ZBTB20: variants seen among roughly 807,000 people sequenced by gnomAD.
ZBTB20 encodes zinc finger and BTB domain containing 20, also known as zinc finger and BTB domain-containing protein 20.
Under a neutral mutation model 56.9 loss-of-function variants are expected in ZBTB20, and 9 were observed. That is an observed-to-expected ratio of 0.16 (90% CI 0.10 to 0.28). ZBTB20 has a LOEUF of 0.28. ZBTB20 is among the 10% of genes least tolerant of loss of function. The pLI is 1.00. For missense variants in ZBTB20, 655 were observed against 1,003.0 expected, an observed-to-expected ratio of 0.65 and a Z score of 4.69; for synonymous variants, 417 against 420.7, an observed-to-expected ratio of 0.99 and a Z score of 0.11.
chr3:115,058,637 G>A (rs1433773649), intron 2 of ZBTB20, among the ~76,000 whole-genome samples: 1 of 152,126 alleles, frequency 6.6e-6, no homozygotes, highest in Non-Finnish European at 1.5e-5. Flanking sequence ...GTTGAGGCAG[G>A]AGAATCACTT....
intron 6 of ZBTB20, among the ~76,000 whole-genome samples, chr3:114,643,162 AT>A (rs1256025746): frequency 6.6e-6 from 1 of 152,078 alleles, no homozygotes; most frequent in Non-Finnish European, 1.5e-5. Context: ...AAAATGGCTA[AT>A]TTTAGTTTTT....
At position 114,792,249 on chromosome 3, in the gene ZBTB20, T is replaced by C. The variant is rs116027679; in HGVS notation, c.-343+8852A>G. ...TTATAAGATTGTTGAAAACATTTTT[T>C]TTTCTCCTGAGGAGACCAAACAATT... On this transcript the variant is annotated intron_variant, in intron 5 of 11. Coordinates refer to ENST00000675478, the MANE Select transcript of ZBTB20 (RefSeq NM_001348800.3). The C allele has an allele frequency of 4.1e-3, 619 of 152,284 alleles. 3 individuals are homozygous for C. Among genetic ancestry groups the C allele is most frequent in the African/African-American group, 0.014 (584 of 41,556 alleles). 9.4% of individuals were successfully genotyped at this position (152,284 alleles called of 1,614,324 possible).
chr3:115,097,636 T>A (rs2083429096), intron 1 of ZBTB20, among the ~76,000 whole-genome samples: 1 of 152,122 alleles, frequency 6.6e-6, no homozygotes, highest in South Asian at 2.1e-4. Flanking sequence ...TAGGTAACTG[T>A]CTGCTCCAAC....
At chr3:115,025,953 A>T (rs1448128090) in intron 2 of ZBTB20, among the ~76,000 whole-genome samples, 1 of 150,778 alleles carries the variant, frequency 6.6e-6, no homozygotes, top group Non-Finnish European at 1.5e-5. Flanking sequence ...CAGTACTAAA[A>T]TAATGCCTAA....
In ZBTB20 at chr3:114,326,813, C is replaced by T. The variant is rs1037924045; in HGVS notation, c.*12192G>A. 1.2e-4 allele frequency: 18 copies of T among 152,176 alleles called. No homozygotes were observed. The highest frequency in any genetic ancestry group is 3.9e-4 in the African/African-American group (16 of 41,456). 9.4% of individuals were successfully genotyped at this position (152,176 alleles called of 1,614,324 possible). On this transcript the variant is annotated 3_prime_UTR_variant, in exon 12 of 12. Coordinates refer to ENST00000675478, the MANE Select transcript of ZBTB20 (RefSeq NM_001348800.3). ...TTTGAAGGAATTGCATCTATGCACACTTATCCTGAAGTCCAGTGCAGAAAA... is the reference window on the plus strand; with the variant it reads ...TTTGAAGGAATTGCATCTATGCACATTTATCCTGAAGTCCAGTGCAGAAAA...
At chr3:114,402,902 C>G (rs1195574479) in intron 7 of ZBTB20, among the ~76,000 whole-genome samples, 1 of 152,130 alleles carries the variant, frequency 6.6e-6, no homozygotes, top group Non-Finnish European at 1.5e-5. Context: ...TTATACTTAC[C>G]CGAAATTTCA....
intron 6 of ZBTB20, among the ~76,000 whole-genome samples, chr3:114,668,736 A>G (rs1378342600): frequency 6.6e-6 from 1 of 152,066 alleles, no homozygotes; most frequent in African/African-American, 2.4e-5. Flanking sequence ...TTTCAGAAAG[A>G]TCACCATAGT....
intron 7 of ZBTB20, among the ~76,000 whole-genome samples, chr3:114,426,395 T>G (rs1353600242): frequency 6.6e-6 from 1 of 150,592 alleles, no homozygotes; most frequent in Admixed American, 6.6e-5. Flanking sequence ...CCAAACATAT[T>G]CTCAATGGTT....
At chr3:114,664,526 A>G (rs2108108783) in intron 6 of ZBTB20, among the ~76,000 whole-genome samples, 1 of 152,144 alleles carries the variant, frequency 6.6e-6, no homozygotes. Context: ...ATTTTTGTGT[A>G]CAATTCTTCT....
Position 114,338,891 on chromosome 3 carries a change from A to G in ZBTB20, c.*114T>C. On this transcript the variant is annotated 3_prime_UTR_variant, in exon 12 of 12. Coordinates refer to ENST00000675478, the MANE Select transcript of ZBTB20 (RefSeq NM_001348800.3). Reference sequence around the variant, plus strand: ...AATGAAACGAAACAAAAACAAAAACAGAAAGTAAAAATGAAACCAAAACAT... The same window carrying G: ...AATGAAACGAAACAAAAACAAAAACGGAAAGTAAAAATGAAACCAAAACAT... The G allele has an allele frequency of 6.2e-6, 8 of 1,288,910 alleles. No individual in the cohort carries two copies. Among genetic ancestry groups the G allele is most frequent in the Non-Finnish European group, 8.3e-6 (8 of 959,196 alleles). The allele number at this position is 1,288,910 out of a possible 1,614,324, so 79.8% of individuals were successfully genotyped here.
At chr3:114,481,528 A>T (rs1223947466) in intron 7 of ZBTB20, among the ~76,000 whole-genome samples, 1 of 152,210 alleles carries the variant, frequency 6.6e-6, no homozygotes, top group Non-Finnish European at 1.5e-5. Flanking sequence ...ATTCCTGAAG[A>T]TCCAGATCAA....
intron 6 of ZBTB20, among the ~76,000 whole-genome samples, chr3:114,644,062 T>C (rs1213761674): frequency 1.3e-5 from 2 of 151,930 alleles, no homozygotes; most frequent in Non-Finnish European, 2.9e-5. Context: ...ATTATGCAAA[T>C]TAATAAGTCT....
intron 7 of ZBTB20, among the ~76,000 whole-genome samples, chr3:114,485,165 T>C (rs988769450): frequency 1.3e-5 from 2 of 152,166 alleles, no homozygotes; most frequent in African/African-American, 4.8e-5. Context: ...ACTGTTCCCA[T>C]GAAATAATCC....
At chr3:114,708,956 A>C (rs1194971734) in intron 5 of ZBTB20, among the ~76,000 whole-genome samples, 1 of 152,148 alleles carries the variant, frequency 6.6e-6, no homozygotes, top group African/African-American at 2.4e-5. Flanking sequence ...CCTTCTCTAA[A>C]GGCCTAAAAG....
At chr3:114,906,572 T>TTTTTATATTATATAAAA (rs1362104702) in intron 3 of ZBTB20, among the ~76,000 whole-genome samples, 1 of 150,846 alleles carries the variant, frequency 6.6e-6, no homozygotes, top group African/African-American at 2.4e-5. Context: ...TAATATAAAA[T>TTTTTATATTATATAAAA]TTTTATATTA....
chr3:114,974,180 C>T (rs568051713), intron 3 of ZBTB20, among the ~76,000 whole-genome samples, 186 bp downstream of exon 3: 1 of 151,684 alleles, frequency 6.6e-6, no homozygotes, highest in South Asian at 2.1e-4. Flanking sequence ...AAAATTTCTA[C>T]TTTTTAACTT....
At chr3:114,372,492 CCTGTAGGTGA>C (rs1489099537) in intron 10 of ZBTB20, among the ~76,000 whole-genome samples, 1 of 152,148 alleles carries the variant, frequency 6.6e-6, no homozygotes, top group Non-Finnish European at 1.5e-5. Context: ...CAGCATGACA[CCTGTAGGTGA>C]CTCTGGCTCC....
intron 2 of ZBTB20, among the ~76,000 whole-genome samples, chr3:114,995,816 C>T (rs562802853): frequency 1.0e-3 from 157 of 151,848 alleles, no homozygotes; most frequent in African/African-American, 3.7e-3. Context: ...CTAACCAAGT[C>T]AAAAATGAAA....
chr3:114,621,685 A>C (rs1368040788), intron 6 of ZBTB20, among the ~76,000 whole-genome samples: 1 of 152,176 alleles, frequency 6.6e-6, no homozygotes, highest in Non-Finnish European at 1.5e-5. Flanking sequence ...TAAAATATGC[A>C]CGCAAGAAAA....
Sources: allele counts gnomAD v4.1 joint callset (sites outside exome capture counted in the v4.1 genomes callset), GRCh38; gene constraint gnomAD v4.1.1; transcripts MANE v1.5; gene names NCBI Gene and HGNC (gene_info 2026-07-23, HGNC 2026-07-21).